Variants in CNOT2 observed in about 807,000 individuals in gnomAD.
CNOT2 encodes the protein CC chemokine receptor 4-negative regulator of transcription 2.
A neutral mutation model predicts 72.1 loss-of-function variants in CNOT2; 7 were observed. That is an observed-to-expected ratio of 0.10 (90% CI 0.06 to 0.18). The LOEUF (loss-of-function observed/expected upper bound fraction) is 0.18, where lower values mean the gene tolerates loss of function less well. Among genes scored for constraint, CNOT2 ranks in the 10% least tolerant of loss-of-function variants. CNOT2 has a pLI of 1.00. For missense variants in CNOT2, 345 were observed against 660.3 expected (o/e 0.52, Z 5.23); for synonymous variants, 196 against 225.6 (o/e 0.87, Z 1.17).
At chr12:70,247,421 G>A (rs1686973165) in intron 1 of CNOT2, among the ~76,000 whole-genome samples, 1 of 152,116 alleles carries the variant, frequency 6.6e-6, no homozygotes, top group Non-Finnish European at 1.5e-5. Context: ...CTCCCAAAGT[G>A]CTGGGATTAC....
chr12:70,264,962 A>T (rs1307908563), intron 1 of CNOT2, among the ~76,000 whole-genome samples: 1 of 152,052 alleles, frequency 6.6e-6, no homozygotes, highest in Non-Finnish European at 1.5e-5. Context: ...AATTTTGACA[A>T]TTAAGTCAGT....
chr12:70,317,508 A>C (rs1473252516), intron 3 of CNOT2, among the ~76,000 whole-genome samples: 4 of 151,912 alleles, frequency 2.6e-5, no homozygotes, highest in Non-Finnish European at 4.4e-5. Context: ...TTGGGTTATA[A>C]TTGGGAAAGA....
intron 6 of CNOT2, 77 bp from the exon 7 acceptor site, chr12:70,332,690 A>C: frequency 2.7e-6 from 4 of 1,461,042 alleles, no homozygotes; most frequent in Non-Finnish European, 1.8e-6. Context: ...GGAGACCAAA[A>C]ATACACACTT....
intron 5 of CNOT2, 56 bp from the exon 6 acceptor site, chr12:70,330,231 G>T (rs978209318): frequency 1.1e-5 from 9 of 794,080 alleles, no homozygotes; most frequent in African/African-American, 5.2e-5. Context: ...TATTTAAAGA[G>T]AATTTTAATG....
intron 2 of CNOT2, among the ~76,000 whole-genome samples, chr12:70,304,232 C>T (rs1223632033): frequency 6.6e-6 from 1 of 152,194 alleles, no homozygotes; most frequent in Non-Finnish European, 1.5e-5. Flanking sequence ...CAGCTTTGTT[C>T]CGTTGCTGGT....
chr12:70,344,693 C>T (rs950543889), intron 14 of CNOT2: 1 of 152,678 alleles, frequency 6.5e-6, no homozygotes, highest in African/African-American at 2.4e-5. Context: ...TGCCATTGCA[C>T]TCTAGTGTGG....
chr12:70,314,893 C>T (rs1308997365), intron 3 of CNOT2, among the ~76,000 whole-genome samples: 1 of 151,828 alleles, frequency 6.6e-6, no homozygotes, highest in Non-Finnish European at 1.5e-5. Context: ...GACAGAATTT[C>T]GCTCTTGTTG....
chr12:70,261,665 C>A (rs1374456347), intron 1 of CNOT2, among the ~76,000 whole-genome samples: 1 of 151,884 alleles, frequency 6.6e-6, no homozygotes, highest in African/African-American at 2.4e-5. Context: ...GTTTTCATTT[C>A]TTGAGATTTC....
intron 1 of CNOT2, among the ~76,000 whole-genome samples, chr12:70,249,024 T>C (rs996396931): frequency 6.6e-6 from 1 of 152,084 alleles, no homozygotes; most frequent in Non-Finnish European, 1.5e-5. Flanking sequence ...CATATTGATA[T>C]ACTATTTTTC....
In CNOT2 at chr12:70,300,921, GA is replaced by G. The variant is rs376425874; in HGVS notation, c.49-9972del. Among the ~76,000 whole-genome samples, 6 of 152,250 alleles carry G rather than the reference GA, an allele frequency of 3.9e-5. No individual in the cohort carries two copies. The South Asian group carries it at 1.0e-3, about 26-fold the overall frequency. On this transcript the variant is annotated intron_variant, in intron 2 of 15. Transcript: ENST00000229195. ...TGAGCAGTGGTTTGTAGTTCTCCTT[GA>G]AGAGGTCCTTCACATCCCTTGTAAG...
chr12:70,252,712 G>A (rs918881944), intron 1 of CNOT2, among the ~76,000 whole-genome samples: 1 of 152,056 alleles, frequency 6.6e-6, no homozygotes, highest in African/African-American at 2.4e-5. Context: ...TTTTCAATTG[G>A]CTAGGTGACT....
intron 2 of CNOT2, among the ~76,000 whole-genome samples, chr12:70,300,371 T>C (rs1423011342): frequency 6.6e-6 from 1 of 152,240 alleles, no homozygotes; most frequent in Non-Finnish European, 1.5e-5. Flanking sequence ...TTTAAGTCTT[T>C]AATCTATCTT....
intron 4 of CNOT2, among the ~76,000 whole-genome samples, chr12:70,321,042 G>C (rs1023625382): frequency 6.6e-5 from 10 of 151,762 alleles, no homozygotes; most frequent in Non-Finnish European, 1.3e-4. Flanking sequence ...ATTAGAAAAA[G>C]AATTTTTAAG....
chr12:70,323,343 A>G (rs1005816155), intron 4 of CNOT2: 1 of 151,704 alleles, frequency 6.6e-6, no homozygotes, highest in African/African-American at 2.4e-5. Flanking sequence ...GTAAATCTTG[A>G]ATGCATGATG....
chr12:70,307,120 A>G (rs1324463138), intron 2 of CNOT2, among the ~76,000 whole-genome samples: 1 of 152,158 alleles, frequency 6.6e-6, no homozygotes, highest in Non-Finnish European at 1.5e-5. Context: ...GTGAATGTAA[A>G]GGCTTAGGAC....
chr12:70,266,621 G>T (rs751801018), intron 1 of CNOT2, among the ~76,000 whole-genome samples: 10 of 152,156 alleles, frequency 6.6e-5, no homozygotes, highest in Non-Finnish European at 1.5e-4. Flanking sequence ...TTGAAGCTCT[G>T]TTGTAAGTGC....
intron 2 of CNOT2, among the ~76,000 whole-genome samples, chr12:70,282,885 T>G (rs1870114840): frequency 7.2e-6 from 1 of 139,680 alleles, no homozygotes; most frequent in Non-Finnish European, 1.5e-5. Context: ...TCCAGCCCAC[T>G]TAAGACCCTA....
At chr12:70,245,424 G>GT (rs1375844567) in intron 1 of CNOT2, among the ~76,000 whole-genome samples, 11 of 151,954 alleles carry the variant, frequency 7.2e-5, no homozygotes, top group East Asian at 5.8e-4. Flanking sequence ...AACTGCTGAA[G>GT]TTTTTTTTGC....
chr12:70,289,093 C>T (rs1272759947), intron 2 of CNOT2, among the ~76,000 whole-genome samples: 2 of 150,894 alleles, frequency 1.3e-5, no homozygotes, highest in Non-Finnish European at 3.0e-5. Flanking sequence ...CTTCTTTCTT[C>T]ATAATATTTT....
Sources: gnomAD v4.1 joint callset for allele counts (sites outside exome capture counted in the v4.1 genomes callset) on GRCh38, gnomAD v4.1.1 for gene constraint, MANE v1.5 for transcripts, NCBI Gene and HGNC (gene_info 2026-07-23, HGNC 2026-07-21) for gene names.